CACNA1E: variants seen among roughly 807,000 people sequenced by gnomAD.
CACNA1E encodes the protein calcium voltage-gated channel subunit alpha1 E, also known as voltage-dependent R-type calcium channel subunit alpha-1E.
In CACNA1E, 40 loss-of-function variants were observed where a neutral mutation model predicts 259.2. The observed-to-expected ratio is 0.15, with a 90% CI of 0.12 to 0.20. The LOEUF is 0.20. Ranked by LOEUF, CACNA1E falls within the 10% of genes least tolerant of loss-of-function variation. CACNA1E has a pLI of 1.00. For missense variants in CACNA1E, 1,874 were observed against 3,040.1 expected (o/e 0.62, Z 9.02); for synonymous variants, 1,104 against 1,138.5 (o/e 0.97, Z 0.61).
chr1:181,614,903 A>G (rs1317418992), intron 6 of CACNA1E, among the ~76,000 whole-genome samples: 1 of 152,166 alleles, frequency 6.6e-6, no homozygotes, highest in African/African-American at 2.4e-5. Flanking sequence ...TTTCCAATAT[A>G]TTTATTGAAA....
At chr1:181,722,722 C>T (rs184428294) in intron 16 of CACNA1E, among the ~76,000 whole-genome samples, 37 of 152,198 alleles carry the variant, frequency 2.4e-4, no homozygotes, top group South Asian at 6.2e-4. Flanking sequence ...TTGGGTTGGC[C>T]GTGAATTGGG....
At position 181,801,250 on chromosome 1, in the gene CACNA1E, T is replaced by C. The variant is rs1056150592; in HGVS notation, c.*2416T>C. On this transcript the variant is annotated 3_prime_UTR_variant, in exon 48 of 48. Transcript: ENST00000367573. ...TGAGAAAGGGAATTTTAGTGACACCTTATGCCATTTCAAGAGGAGAAATGC... is the reference window on the plus strand; with the variant it reads ...TGAGAAAGGGAATTTTAGTGACACCCTATGCCATTTCAAGAGGAGAAATGC... 1 of 152,670 alleles carries C rather than the reference T, an allele frequency of 6.6e-6. No homozygotes were observed. The highest frequency in any genetic ancestry group is 2.4e-5 in the African/African-American group (1 of 41,454). 9.5% of individuals were successfully genotyped at this position (152,670 alleles called of 1,614,324 possible).
At chr1:181,527,114 A>G (rs1667418279) in intron 3 of CACNA1E, among the ~76,000 whole-genome samples, 1 of 152,240 alleles carries the variant, frequency 6.6e-6, no homozygotes, top group Non-Finnish European at 1.5e-5. Flanking sequence ...CCATTTGGAC[A>G]GCTATATCAA....
chr1:181,792,184 G>GAA (rs151135108), intron 44 of CACNA1E, among the ~76,000 whole-genome samples: 2 of 152,084 alleles, frequency 1.3e-5, no homozygotes, highest in African/African-American at 2.4e-5. Flanking sequence ...TGTCTAGTGG[G>GAA]AAAAAAATCT....
chr1:181,325,470 ACTT>A (rs1483261675), intron 1 of CACNA1E, among the ~76,000 whole-genome samples: 1 of 152,060 alleles, frequency 6.6e-6, no homozygotes, highest in African/African-American at 2.4e-5. Flanking sequence ...ACCCTCGAGA[ACTT>A]CTTAGGCATT....
chr1:181,684,790 C>T (rs1006776147), intron 7 of CACNA1E, among the ~76,000 whole-genome samples: 1 of 151,400 alleles, frequency 6.6e-6, no homozygotes, highest in African/African-American at 2.4e-5. Flanking sequence ...ATTTGGTTTG[C>T]TGATTTGCTT....
intron 1 of CACNA1E, among the ~76,000 whole-genome samples, chr1:181,408,095 G>A (rs1021051904): frequency 1.3e-5 from 2 of 152,156 alleles, no homozygotes; most frequent in African/African-American, 4.8e-5. Flanking sequence ...AATGTGCTTG[G>A]TGGTCTATGC....
At chr1:181,718,666 A>ACACC (rs1491443910) in intron 12 of CACNA1E, among the ~76,000 whole-genome samples, 14 of 129,556 alleles carry the variant, frequency 1.1e-4, no homozygotes, top group South Asian at 2.5e-4. Context: ...ACACACACAC[A>ACACC]CCCTTATATT....
chr1:181,455,435 A>T (rs1205202668), intron 2 of CACNA1E, among the ~76,000 whole-genome samples: 7 of 152,160 alleles, frequency 4.6e-5, no homozygotes, highest in African/African-American at 1.7e-4. Context: ...GAGCCTTGGG[A>T]GCAAGTGTGG....
At chr1:181,597,128 C>A (rs1653255086) in intron 6 of CACNA1E, among the ~76,000 whole-genome samples, 2 of 152,132 alleles carry the variant, frequency 1.3e-5, no homozygotes, top group Non-Finnish European at 2.9e-5. Context: ...AATTTCTGTT[C>A]TAATTTGGAA....
chr1:181,575,804 G>A (rs1650910365), intron 3 of CACNA1E, among the ~76,000 whole-genome samples: 2 of 152,182 alleles, frequency 1.3e-5, no homozygotes. Flanking sequence ...ACTGTGCTGT[G>A]CACCTTACCT....
intron 1 of CACNA1E, among the ~76,000 whole-genome samples, chr1:181,333,707 G>A (rs1173128588): frequency 6.6e-6 from 1 of 151,798 alleles, no homozygotes; most frequent in Non-Finnish European, 1.5e-5. Flanking sequence ...CCAGGTTGGA[G>A]TGCAATGGCA....
intron 39 of CACNA1E, among the ~76,000 whole-genome samples, chr1:181,783,072 C>T (rs1277673180): frequency 6.6e-6 from 1 of 152,164 alleles, no homozygotes; most frequent in East Asian, 1.9e-4. Context: ...TGTTTGCACT[C>T]TCCCCCTTGT....
chr1:181,792,911 C>T lies in CACNA1E; in HGVS notation c.5899-754C>T, dbSNP rs1007973687. Among the ~76,000 whole-genome samples, 3 of 152,260 alleles carry T rather than the reference C, an allele frequency of 2.0e-5. No individual in the cohort carries two copies. In the South Asian group the frequency reaches 6.2e-4, roughly 32 times the overall value. ...GATAACACTGTAGGCTGGCACAGTC[C>T]AAAACAATAGCTCTTAGCCACATGT... On this transcript the variant is annotated intron_variant, in intron 44 of 47. Coordinates refer to ENST00000367573, the MANE Select transcript of CACNA1E (RefSeq NM_001205293.3).
intron 1 of CACNA1E, among the ~76,000 whole-genome samples, chr1:181,497,977 C>A (rs12039784): frequency 0.015 from 2,228 of 152,220 alleles, 66 homozygotes; most frequent in East Asian, 0.13. Context: ...CTTTCCCCCG[C>A]CAAAACTCCA....
intron 6 of CACNA1E, among the ~76,000 whole-genome samples, chr1:181,624,989 T>C (rs996270743): frequency 6.6e-6 from 1 of 152,052 alleles, no homozygotes; most frequent in African/African-American, 2.4e-5. Context: ...AATTTCCTTG[T>C]GCATGTTCAT....
intron 6 of CACNA1E, among the ~76,000 whole-genome samples, chr1:181,602,135 C>G (rs1170439115): frequency 6.6e-6 from 1 of 152,226 alleles, no homozygotes; most frequent in African/African-American, 2.4e-5. Flanking sequence ...GTATTTCTCT[C>G]CAGAGAGCTT....
chr1:181,733,782 C>T, intron 21 of CACNA1E, 32 bp downstream of exon 21: 1 of 1,456,258 alleles, frequency 6.9e-7, no homozygotes, highest in Non-Finnish European at 9.1e-7. Context: ...CCCTCCACCC[C>T]CAACTCCTAT....
chr1:181,524,279 A>C (rs1667194849), intron 3 of CACNA1E, among the ~76,000 whole-genome samples: 1 of 152,248 alleles, frequency 6.6e-6, no homozygotes, highest in South Asian at 2.1e-4. Context: ...AAGTGAAATA[A>C]TTATAAATAA....
Sources: gnomAD v4.1 joint callset for allele counts (sites outside exome capture counted in the v4.1 genomes callset) on GRCh38, gnomAD v4.1.1 for gene constraint, MANE v1.5 for transcripts, NCBI Gene and HGNC (gene_info 2026-07-23, HGNC 2026-07-21) for gene names.